The following TBC1D5 variants were observed in gnomAD, a reference collection of about 807,000 sequenced individuals.
TBC1D5 encodes the protein TBC1 domain family member 5, also known as TBC1 domain family, member 5.
In TBC1D5, 75 loss-of-function variants were observed where a neutral mutation model predicts 100.3. That is an observed-to-expected ratio of 0.75 (90% CI 0.62 to 0.91). The LOEUF is 0.91. Among genes scored for constraint, TBC1D5 ranks in the 40% least tolerant of loss-of-function variants. The pLI is 0.00. For synonymous variants in TBC1D5, 323 were observed against 325.6 expected, an observed-to-expected ratio of 0.99 and a Z score of 0.09; for missense variants, 910 against 942.4, an observed-to-expected ratio of 0.97 and a Z score of 0.45.
At chr3:17,552,407 A>G (rs1433246710) in intron 2 of TBC1D5, among the ~76,000 whole-genome samples, 1 of 152,154 alleles carries the variant, frequency 6.6e-6, no homozygotes, top group African/African-American at 2.4e-5. Flanking sequence ...TAAATCAAAC[A>G]GCACACTAAG....
chr3:17,169,912 C>T (rs911258226), intron 19 of TBC1D5, among the ~76,000 whole-genome samples: 1 of 152,206 alleles, frequency 6.6e-6, no homozygotes, highest in Non-Finnish European at 1.5e-5. Flanking sequence ...GAGTCTCACA[C>T]AAGGAGCGCA....
chr3:17,347,163 T>C (rs1209606512), intron 13 of TBC1D5, among the ~76,000 whole-genome samples: 2 of 152,214 alleles, frequency 1.3e-5, no homozygotes, highest in Admixed American at 6.5e-5. Context: ...GATAAGGTTT[T>C]GGATGTAGAT....
At chr3:17,515,756 T>C (rs2095977856) in intron 2 of TBC1D5, among the ~76,000 whole-genome samples, 1 of 152,180 alleles carries the variant, frequency 6.6e-6, no homozygotes, top group African/African-American at 2.4e-5. Context: ...TTAATAGTTA[T>C]AAGGTGTACA....
chr3:17,508,363 T>A (rs907010385), intron 3 of TBC1D5, 111 bp downstream of exon 3: 1 of 790,630 alleles, frequency 1.3e-6, no homozygotes, highest in African/African-American at 1.7e-5. Flanking sequence ...ACTGGCCTGC[T>A]CACTTCATCA....
intron 15 of TBC1D5, among the ~76,000 whole-genome samples, chr3:17,277,697 G>A (rs2080168343): frequency 6.6e-6 from 1 of 152,150 alleles, no homozygotes; most frequent in South Asian, 2.1e-4. Flanking sequence ...GTTCAGAACT[G>A]GGAAGAAATA....
At chr3:17,475,181 C>G (rs548876695) in intron 3 of TBC1D5, among the ~76,000 whole-genome samples, 4 of 151,708 alleles carry the variant, frequency 2.6e-5, no homozygotes, top group Non-Finnish European at 5.9e-5. Context: ...CTTGCCCCGC[C>G]CCACCCGTTT....
At chr3:17,578,559 G>A (rs910753700) in intron 2 of TBC1D5, among the ~76,000 whole-genome samples, 6 of 151,962 alleles carry the variant, frequency 3.9e-5, no homozygotes, top group Non-Finnish European at 7.4e-5. Flanking sequence ...GAAAGCACAT[G>A]TATTTTACAA....
intron 1 of TBC1D5, among the ~76,000 whole-genome samples, chr3:17,688,049 T>C (rs547915246): frequency 1.4e-4 from 22 of 152,258 alleles, no homozygotes; most frequent in African/African-American, 5.3e-4. Flanking sequence ...TATTTAACAA[T>C]AGAAGAATGG....
At chr3:17,600,285 T>C (rs181648293) in intron 2 of TBC1D5, among the ~76,000 whole-genome samples, 86 of 152,326 alleles carry the variant, frequency 5.6e-4, no homozygotes, top group African/African-American at 2.0e-3. Context: ...AACTGAATTG[T>C]CAGGTTTGCA....
chr3:17,370,464 T>G (rs979700255), intron 13 of TBC1D5, among the ~76,000 whole-genome samples: 20 of 152,196 alleles, frequency 1.3e-4, no homozygotes, highest in African/African-American at 4.8e-4. Flanking sequence ...TAATCATAAA[T>G]GTATTAGTTA....
chr3:17,282,434 G>A (rs1048598222), intron 15 of TBC1D5, among the ~76,000 whole-genome samples: 2 of 152,132 alleles, frequency 1.3e-5, no homozygotes, highest in African/African-American at 4.8e-5. Context: ...ATAAAATGGA[G>A]GAGATTGGTT....
At chr3:17,459,074 A>C (rs2095149682) in intron 3 of TBC1D5, among the ~76,000 whole-genome samples, 1 of 152,238 alleles carries the variant, frequency 6.6e-6, no homozygotes, top group Non-Finnish European at 1.5e-5. Context: ...AAGTTTAAAG[A>C]AATATTTTAG....
intron 1 of TBC1D5, among the ~76,000 whole-genome samples, chr3:17,678,176 G>C (rs1474499459): frequency 1.3e-5 from 2 of 152,108 alleles, no homozygotes; most frequent in African/African-American, 4.8e-5. Context: ...CAAAAACATT[G>C]ATAAAAATAA....
chr3:17,307,639 T>C (rs2083528152), intron 14 of TBC1D5, among the ~76,000 whole-genome samples: 1 of 152,242 alleles, frequency 6.6e-6, no homozygotes, highest in Admixed American at 6.5e-5. Context: ...GAATATTCCC[T>C]ACCTGTCAGA....
chr3:17,406,625 T>A (rs2152450933), intron 4 of TBC1D5, 99 bp from the exon 5 acceptor site: 1 of 1,070,386 alleles, frequency 9.3e-7, no homozygotes, highest in East Asian at 2.5e-5. Context: ...GTCTAAAAAA[T>A]GCAACTTTTA....
At chr3:17,446,331 A>G (rs2094793173) in intron 3 of TBC1D5, among the ~76,000 whole-genome samples, 1 of 152,182 alleles carries the variant, frequency 6.6e-6, no homozygotes, top group Non-Finnish European at 1.5e-5. Context: ...GGTTTAGATC[A>G]AAAAAAGTAA....
At chr3:17,586,445 A>T (rs545511898) in intron 2 of TBC1D5, 1 of 152,276 alleles carries the variant, frequency 6.6e-6, no homozygotes, top group African/African-American at 2.4e-5. Flanking sequence ...GCTCAGTACA[A>T]TAGAGTTCTC....
At chr3:17,691,646 G>A (rs371677136) in intron 1 of TBC1D5, among the ~76,000 whole-genome samples, 5 of 151,878 alleles carry the variant, frequency 3.3e-5, no homozygotes, top group African/African-American at 4.8e-5. Context: ...GTGAAACCTC[G>A]CCTCTACTAA....
intron 1 of TBC1D5, among the ~76,000 whole-genome samples, chr3:17,655,067 C>T (rs961912673): frequency 6.6e-6 from 1 of 151,580 alleles, no homozygotes; most frequent in African/African-American, 2.4e-5. Context: ...CTTTATTAGT[C>T]TTGCTAGCGG....
Sources: allele counts gnomAD v4.1 joint callset (sites outside exome capture counted in the v4.1 genomes callset), GRCh38; gene constraint gnomAD v4.1.1; transcripts MANE v1.5; gene names NCBI Gene and HGNC (gene_info 2026-07-23, HGNC 2026-07-21).